The following TRAPPC8 variants were observed in gnomAD, a reference collection of about 807,000 sequenced individuals.
The protein encoded by TRAPPC8 is general sporulation gene 1 homolog.
Under a neutral mutation model 174.3 loss-of-function variants are expected in TRAPPC8, and 54 were observed. The ratio of observed to expected loss-of-function variants is 0.31; its 90% CI spans 0.25 to 0.39. TRAPPC8 has a LOEUF of 0.39. Among genes scored for constraint, TRAPPC8 ranks in the 10% least tolerant of loss-of-function variants. The pLI, the probability that TRAPPC8 is intolerant of heterozygous loss-of-function variation, is 1.00. For synonymous variants in TRAPPC8, 630 were observed against 579.9 expected, an observed-to-expected ratio of 1.09 and a Z score of -1.24; for missense variants, 1,531 against 1,699.1, an observed-to-expected ratio of 0.90 and a Z score of 1.74.
At chr18:31,933,681 C>T (rs2037953185) in intron 1 of TRAPPC8, among the ~76,000 whole-genome samples, 1 of 152,046 alleles carries the variant, frequency 6.6e-6, no homozygotes, top group Non-Finnish European at 1.5e-5. Context: ...AAGAATGACA[C>T]ATTCTTCTCA....
intron 1 of TRAPPC8, among the ~76,000 whole-genome samples, chr18:31,933,300 CA>C (rs770309579): frequency 0.14 from 12,675 of 91,488 alleles, 538 homozygotes; most frequent in African/African-American, 0.27. Flanking sequence ...GACTCCGTCT[CA>C]AAAAAAAAAA....
chr18:31,838,629 G>C (rs929201380), intron 27 of TRAPPC8, among the ~76,000 whole-genome samples: 3 of 152,062 alleles, frequency 2.0e-5, no homozygotes, highest in Admixed American at 6.5e-5. Flanking sequence ...CCTCTATACA[G>C]TGGCATTCTT....
Position 31,908,847 on chromosome 18 carries a change from A to G in TRAPPC8, c.1029T>C (p.Thr343=). Residue 343 remains threonine, a synonymous_variant, in exon 7 of 29, where the codon ACT becomes ACC. Transcript: ENST00000283351. The part of the protein sequence containing the change: ...GIIHGACLTL[T]DHDRIRQFIQ... Reference sequence around the variant, plus strand: ...TAAACTGTCGAATTCTATCATGATCAGTAAGTGTTAAACATGCACCATGAA... The same window carrying G: ...TAAACTGTCGAATTCTATCATGATCGGTAAGTGTTAAACATGCACCATGAA... 1 of 1,613,852 alleles carries G rather than the reference A, an allele frequency of 6.2e-7. No homozygotes were observed. Among genetic ancestry groups the G allele is most frequent in the Non-Finnish European group, 8.5e-7 (1 of 1,179,818 alleles).
At position 31,943,012 on chromosome 18, in the gene TRAPPC8, C is replaced by G; in HGVS notation, c.-248G>C. The G allele has an allele frequency of 1.4e-6, 1 of 701,062 alleles. No individual in the cohort carries two copies. Among genetic ancestry groups the G allele is most frequent in the Non-Finnish European group, 2.0e-6 (1 of 501,094 alleles). 43.4% of individuals were successfully genotyped at this position (701,062 alleles called of 1,614,324 possible). On this transcript the variant is annotated 5_prime_UTR_variant, in exon 1 of 29. Transcript: ENST00000283351. ...GTCCCCGCGTGCTCGCATTCCACCC[C>G]GATAGGTGGAGACGCCGACAGTCAC...
intron 13 of TRAPPC8, 168 bp downstream of exon 13, chr18:31,874,312 G>T: frequency 1.6e-6 from 1 of 613,812 alleles, no homozygotes; most frequent in Non-Finnish European, 2.8e-6. Context: ...TGTGGAAGGG[G>T]CAATGTAACC....
Position 31,913,630 on chromosome 18 carries a change from G to A in TRAPPC8, c.618-108C>T. ...AACATTAAAATAATCCCCCAAAAAG[G>A]CATATTTAGACTGGAAAAATATAAA... On this transcript the variant is annotated intron_variant, in intron 4 of 28. Coordinates refer to ENST00000283351, the MANE Select transcript of TRAPPC8 (RefSeq NM_014939.5). 5.9e-6 allele frequency: 5 copies of A among 841,500 alleles called. No homozygotes were observed. In the South Asian group the frequency reaches 7.8e-5, roughly 13 times the overall value. The allele number at this position is 841,500 out of a possible 1,614,324, so 52.1% of individuals were successfully genotyped here. A position where few individuals can be genotyped will look rare whatever the true frequency, so the allele number is the denominator to read the frequency against.
intron 26 of TRAPPC8, among the ~76,000 whole-genome samples, chr18:31,846,066 T>C (rs1206258933): frequency 1.3e-5 from 2 of 151,940 alleles, no homozygotes; most frequent in African/African-American, 2.4e-5. Context: ...TAAGAAAATA[T>C]AGAGATATAG....
chr18:31,911,268 A>G (rs943464437), intron 5 of TRAPPC8, among the ~76,000 whole-genome samples: 1 of 152,156 alleles, frequency 6.6e-6, no homozygotes, highest in African/African-American at 2.4e-5. Flanking sequence ...TGTAATATCA[A>G]CACTCTGGGA....
At chr18:31,880,428 A>G (rs1310103964) in intron 12 of TRAPPC8, among the ~76,000 whole-genome samples, 2 of 152,034 alleles carry the variant, frequency 1.3e-5, no homozygotes, top group African/African-American at 4.8e-5. Context: ...CAGAAAAAGC[A>G]TTCAATAAAG....
chr18:31,858,928 G>A (rs1680643), intron 19 of TRAPPC8, among the ~76,000 whole-genome samples: 103,561 of 151,944 alleles, frequency 0.68, 36,504 homozygotes, highest in African/African-American at 0.85. Flanking sequence ...AACATGGTGA[G>A]ACCTGTTTCT....
intron 5 of TRAPPC8, among the ~76,000 whole-genome samples, chr18:31,910,776 A>G (rs2036871400): frequency 6.6e-6 from 1 of 152,228 alleles, no homozygotes; most frequent in Non-Finnish European, 1.5e-5. Context: ...ATGCTAAGGC[A>G]TAGATTTCTG....
Position 31,865,048 on chromosome 18 carries a change from T to C in TRAPPC8, c.2591-267A>G, listed in dbSNP as rs572691187. ...ACTCAATAGGAAGCCCTCTGAAATCTGTATTTAACCATGTGCCTATTAACT... is the reference window on the plus strand; with the variant it reads ...ACTCAATAGGAAGCCCTCTGAAATCCGTATTTAACCATGTGCCTATTAACT... On this transcript the variant is annotated intron_variant, in intron 18 of 28. Coordinates refer to ENST00000283351, the MANE Select transcript of TRAPPC8 (RefSeq NM_014939.5). Among the ~76,000 whole-genome samples, 21 of 152,244 alleles carry C rather than the reference T, an allele frequency of 1.4e-4. No homozygotes were observed. In the South Asian group the frequency reaches 3.7e-3, roughly 27 times the overall value.
rs765478303 is a variant in TRAPPC8 at position 31,853,038 on chromosome 18, C to T, written c.3434-375G>A. ...CATGATTTATACCAACATTACTATACGAACACACTCTGCTATATGTTTTCC... is the reference window on the plus strand; with the variant it reads ...CATGATTTATACCAACATTACTATATGAACACACTCTGCTATATGTTTTCC... On this transcript the variant is annotated intron_variant, in intron 22 of 28. Coordinates refer to ENST00000283351, the MANE Select transcript of TRAPPC8 (RefSeq NM_014939.5). Among the ~76,000 whole-genome samples the T allele has an allele frequency of 6.6e-5, 10 of 152,284 alleles. No homozygotes were observed. The South Asian group carries it at 1.0e-3, about 16-fold the overall frequency.
At chr18:31,915,269 T>C (rs2037081269) in intron 4 of TRAPPC8, among the ~76,000 whole-genome samples, 1 of 147,308 alleles carries the variant, frequency 6.8e-6, no homozygotes, top group Non-Finnish European at 1.5e-5. Context: ...CAGAGCAGCC[T>C]GGCCTACGTG....
At chr18:31,926,256 T>C (rs1381894114) in intron 2 of TRAPPC8, among the ~76,000 whole-genome samples, 2 of 152,176 alleles carry the variant, frequency 1.3e-5, no homozygotes, top group East Asian at 3.8e-4. Flanking sequence ...CAGACCACTG[T>C]AATAGCTAAG....
At chr18:31,885,416 A>C (rs1256636827) in intron 12 of TRAPPC8, among the ~76,000 whole-genome samples, 1 of 152,226 alleles carries the variant, frequency 6.6e-6, no homozygotes, top group African/African-American at 2.4e-5. Context: ...AAAACATCCT[A>C]TGCCCTTTGA....
rs533014980 is a variant in TRAPPC8 at position 31,857,649 on chromosome 18, C to T, written c.3079G>A (p.Gly1027Arg). The T allele has an allele frequency of 4.3e-6, 7 of 1,614,124 alleles. No homozygotes were observed. Among genetic ancestry groups the T allele is most frequent in the South Asian group, 1.1e-5 (1 of 91,084 alleles). ...CACATTGGCAGCTGCACTGAGGCTCCGGGTAGAAGAACAGTGTCAGGAAGG... is the reference window on the plus strand; with the variant it reads ...CACATTGGCAGCTGCACTGAGGCTCTGGGTAGAAGAACAGTGTCAGGAAGG... ...VPLPDTVLLPGASVQLPMWLR... is the reference protein window; with the variant it reads ...VPLPDTVLLPRASVQLPMWLR... The change falls in exon 20 of 29, where the codon GGA becomes AGA. Residue 1027 changes from glycine to arginine, a missense_variant. By Grantham distance (125) the Gly-to-Arg change is moderately radical. Transcript: ENST00000283351.
At chr18:31,883,139 C>G (rs2035537491) in intron 12 of TRAPPC8, 1 of 150,376 alleles carries the variant, frequency 6.6e-6, no homozygotes, top group South Asian at 2.1e-4. Context: ...AGGAGAATCA[C>G]TTGAACCCAG....
At chr18:31,848,647 T>A (rs1024078696) in intron 25 of TRAPPC8, among the ~76,000 whole-genome samples, 7 of 152,210 alleles carry the variant, frequency 4.6e-5, no homozygotes, top group Non-Finnish European at 8.8e-5. Flanking sequence ...AAACACTTCA[T>A]AAAAACTTCT....
Sources: allele counts gnomAD v4.1 joint callset (sites outside exome capture counted in the v4.1 genomes callset), GRCh38; gene constraint gnomAD v4.1.1; transcripts MANE v1.5; gene names NCBI Gene and HGNC (gene_info 2026-07-23, HGNC 2026-07-21).